FAT3: variants seen among roughly 807,000 people sequenced by gnomAD.
The protein encoded by FAT3 is protocadherin Fat 3.
FAT3 carries 95 observed loss-of-function variants against 310.2 expected under a neutral mutation model. The observed-to-expected ratio is 0.31, with a 90% CI of 0.26 to 0.36. The LOEUF (loss-of-function observed/expected upper bound fraction) is 0.36. FAT3 is among the 10% of genes least tolerant of loss of function. The probability of loss-of-function intolerance (pLI) is 1.00; values close to 1 mark genes in which losing one functional copy is unlikely to be tolerated. For missense variants in FAT3, 5,408 were observed against 5,715.6 expected (o/e 0.95, Z 1.74); for synonymous variants, 2,314 against 2,192.9 (o/e 1.06, Z -1.54).
chr11:92,645,383 T>C (rs567096323), intron 3 of FAT3, among the ~76,000 whole-genome samples: 2 of 152,290 alleles, frequency 1.3e-5, no homozygotes, highest in South Asian at 4.1e-4. Flanking sequence ...CAATACATTC[T>C]ACGCTGGTTA....
At chr11:92,530,902 G>GA (rs11464368) in intron 3 of FAT3, among the ~76,000 whole-genome samples, 87,727 of 147,236 alleles carry the variant, frequency 0.6, 26,363 homozygotes, top group African/African-American at 0.73. Flanking sequence ...GGGATTTAAA[G>GA]AAAAAAAAAA....
chr11:92,828,074 C>A (rs1948145259), intron 13 of FAT3, among the ~76,000 whole-genome samples: 1 of 152,022 alleles, frequency 6.6e-6, no homozygotes, highest in Admixed American at 6.5e-5. Context: ...CACATCATGA[C>A]ATGCAGTAGG....
chr11:92,456,288 T>G (rs1951490432), intron 2 of FAT3, among the ~76,000 whole-genome samples: 1 of 152,224 alleles, frequency 6.6e-6, no homozygotes, highest in Non-Finnish European at 1.5e-5. Flanking sequence ...TAGCTATTGT[T>G]TATAATATTA....
intron 1 of FAT3, among the ~76,000 whole-genome samples, chr11:92,327,082 T>C (rs548053578): frequency 6.6e-6 from 1 of 152,290 alleles, no homozygotes; most frequent in East Asian, 1.9e-4. Context: ...TTAAATAATA[T>C]TTATTAAAAG....
intron 2 of FAT3, among the ~76,000 whole-genome samples, chr11:92,438,603 A>G (rs1439094426): frequency 6.6e-6 from 1 of 152,182 alleles, no homozygotes; most frequent in East Asian, 1.9e-4. Context: ...TTATAATCAA[A>G]TCAATTTCAT....
chr11:92,450,303 C>G (rs1467928514), intron 2 of FAT3, among the ~76,000 whole-genome samples: 1 of 152,174 alleles, frequency 6.6e-6, no homozygotes, highest in Non-Finnish European at 1.5e-5. Flanking sequence ...GAACTGCATC[C>G]TCTTCAAGGA....
At chr11:92,492,287 CCATT>C (rs199689525) in intron 2 of FAT3, among the ~76,000 whole-genome samples, 2 of 148,948 alleles carry the variant, frequency 1.3e-5, no homozygotes, top group African/African-American at 5.0e-5. Context: ...ATCCATCCAT[CCATT>C]CATCCATCCA....
chr11:92,577,522 A>G (rs1359049344), intron 3 of FAT3, among the ~76,000 whole-genome samples: 1 of 152,130 alleles, frequency 6.6e-6, no homozygotes, highest in African/African-American at 2.4e-5. Context: ...AAATCAGGGT[A>G]ATTAGCATAC....
At chr11:92,338,828 T>C (rs914205442) in intron 1 of FAT3, among the ~76,000 whole-genome samples, 4 of 152,294 alleles carry the variant, frequency 2.6e-5, no homozygotes, top group East Asian at 1.9e-4. Flanking sequence ...ATCTTGGTTC[T>C]ACCACCAAGA....
chr11:92,420,219 G>A (rs1255303333), intron 2 of FAT3, among the ~76,000 whole-genome samples: 1 of 152,196 alleles, frequency 6.6e-6, no homozygotes, highest in African/African-American at 2.4e-5. Context: ...AAACTTTGCT[G>A]ACTTCTGCCT....
chr11:92,331,849 A>T (rs1305163878), intron 1 of FAT3, among the ~76,000 whole-genome samples: 1 of 152,228 alleles, frequency 6.6e-6, no homozygotes, highest in Non-Finnish European at 1.5e-5. Flanking sequence ...AATACATTAA[A>T]CAGTAATACA....
chr11:92,666,517 AT>A (rs538189157), intron 3 of FAT3, among the ~76,000 whole-genome samples: 5,310 of 132,364 alleles, frequency 0.04, 267 homozygotes, highest in African/African-American at 0.12. Context: ...ACGCCCAGCT[AT>A]TTTTTTTTTT....
At chr11:92,686,185 G>C (rs1051587891) in intron 3 of FAT3, among the ~76,000 whole-genome samples, 4 of 152,156 alleles carry the variant, frequency 2.6e-5, no homozygotes, top group South Asian at 2.1e-4. Flanking sequence ...CACTGATTCA[G>C]ACTCTGAGGA....
At chr11:92,815,812 G>A (rs1473267737) in intron 13 of FAT3, among the ~76,000 whole-genome samples, 2 of 152,182 alleles carry the variant, frequency 1.3e-5, no homozygotes, top group Non-Finnish European at 2.9e-5. Context: ...GGGAATTCAA[G>A]TGTGAACCTC....
intron 1 of FAT3, among the ~76,000 whole-genome samples, chr11:92,299,138 G>A (rs1489653845): frequency 1.3e-5 from 2 of 152,064 alleles, no homozygotes; most frequent in Non-Finnish European, 1.5e-5. Flanking sequence ...AGAGATTGTA[G>A]GGGTACACCA....
At chr11:92,733,606 T>C (rs971041983) in intron 4 of FAT3, among the ~76,000 whole-genome samples, 1 of 151,960 alleles carries the variant, frequency 6.6e-6, no homozygotes, top group African/African-American at 2.4e-5. Flanking sequence ...ACAGAGAGGG[T>C]AGAGCCCACA....
chr11:92,383,198 A>G (rs1486585319), intron 2 of FAT3, among the ~76,000 whole-genome samples: 1 of 152,192 alleles, frequency 6.6e-6, no homozygotes, highest in East Asian at 1.9e-4. Context: ...ATGGGATTCC[A>G]TGGTATATAT....
At chr11:92,430,360 A>C (rs1950738017) in intron 2 of FAT3, among the ~76,000 whole-genome samples, 1 of 151,992 alleles carries the variant, frequency 6.6e-6, no homozygotes, top group South Asian at 2.1e-4. Context: ...TTCTCCACCT[A>C]GTTTTGTTCC....
At chr11:92,304,119 G>C (rs1947064273) in intron 1 of FAT3, among the ~76,000 whole-genome samples, 1 of 152,076 alleles carries the variant, frequency 6.6e-6, no homozygotes. Context: ...CTGTCCAGTG[G>C]ATTTCTGGTC....
Sources: allele counts gnomAD v4.1 joint callset (sites outside exome capture counted in the v4.1 genomes callset), GRCh38; gene constraint gnomAD v4.1.1; transcripts MANE v1.5; gene names NCBI Gene and HGNC (gene_info 2026-07-23, HGNC 2026-07-21).